Variants in NEGR1 observed in about 807,000 individuals in gnomAD.
The protein encoded by NEGR1 is IgLON family member 4.
Under a neutral mutation model 40.9 loss-of-function variants are expected in NEGR1, and 10 were observed. The ratio of observed to expected loss-of-function variants is 0.24; its 90% CI spans 0.15 to 0.42. NEGR1 has a LOEUF of 0.42. Ranked by LOEUF, NEGR1 falls within the 10% of genes least tolerant of loss-of-function variation. The pLI is 1.00. For missense variants in NEGR1, 352 were observed against 438.9 expected, an observed-to-expected ratio of 0.80 and a Z score of 1.77; for synonymous variants, 185 against 166.8, an observed-to-expected ratio of 1.11 and a Z score of -0.84.
rs10604833 is a variant in NEGR1, at chr1:71,988,923, TAAAAAAAAA to T, written c.177-53621_177-53613del. ...CAATGAGCTCTATCATATTGGATGT[TAAAAAAAAA>T]AAAAAAAAAAAAAAAAGGCTTTCTA... is the stretch of plus-strand genomic sequence containing the variant. On this transcript the variant is annotated intron_variant, in intron 1 of 6. Coordinates refer to ENST00000357731, the MANE Select transcript of NEGR1 (RefSeq NM_173808.3). Among the ~76,000 whole-genome samples the T allele has an allele frequency of 4.3e-3, 354 of 82,242 alleles. 7 individuals carry two copies. The highest frequency in any genetic ancestry group is 0.018 in the African/African-American group (313 of 17,448). 54.0% of individuals were successfully genotyped at this position (82,242 alleles called of 152,430 possible). A position where few individuals can be genotyped will look rare whatever the true frequency, so the allele number is the denominator to read the frequency against.
intron 1 of NEGR1, among the ~76,000 whole-genome samples, chr1:72,087,550 A>G (rs1475764981): frequency 1.3e-5 from 2 of 151,880 alleles, no homozygotes; most frequent in Non-Finnish European, 2.9e-5. Flanking sequence ...CATCAGAACT[A>G]CAGTGATAGA....
At position 71,809,071 on chromosome 1, in the gene NEGR1, T is replaced by C. The variant is rs1657886773; in HGVS notation, c.410-32774A>G. 2.6e-5 allele frequency among the ~76,000 whole-genome samples: 4 copies of C among 152,296 alleles called. No homozygotes were observed. In the South Asian group the frequency reaches 6.2e-4, roughly 24 times the overall value. ...TTACCTATTGCTTATTAAACATACA[T>C]ATCTCCATGTGTGAAAAGCAGCACG... On this transcript the variant is annotated intron_variant, in intron 2 of 6. Transcript: ENST00000357731.
intron 1 of NEGR1, among the ~76,000 whole-genome samples, chr1:72,256,694 T>G (rs954111198): frequency 6.6e-6 from 1 of 152,198 alleles, no homozygotes; most frequent in Non-Finnish European, 1.5e-5. Context: ...ACAAAAATGT[T>G]AGTGCTATTT....
At chr1:71,569,965 A>G (rs979463405) in intron 6 of NEGR1, among the ~76,000 whole-genome samples, 2 of 136,906 alleles carry the variant, frequency 1.5e-5, no homozygotes, top group Non-Finnish European at 3.2e-5. Context: ...TCACTGAATT[A>G]CACAAAACAA....
At chr1:71,982,059 A>T (rs1646359055) in intron 1 of NEGR1, among the ~76,000 whole-genome samples, 1 of 152,160 alleles carries the variant, frequency 6.6e-6, no homozygotes, top group Non-Finnish European at 1.5e-5. Flanking sequence ...GTAATTTGTG[A>T]CATTGTTACT....
intron 1 of NEGR1, among the ~76,000 whole-genome samples, chr1:72,278,920 TAAGA>T (rs753356418): frequency 4.6e-5 from 7 of 152,060 alleles, no homozygotes; most frequent in Non-Finnish European, 1.0e-4. Context: ...ATACAAAGCT[TAAGA>T]AAGGGAAATA....
chr1:71,726,359 C>A (rs1243108966), intron 3 of NEGR1, among the ~76,000 whole-genome samples: 1 of 152,082 alleles, frequency 6.6e-6, no homozygotes, highest in Non-Finnish European at 1.5e-5. Context: ...CAGGGTGCCA[C>A]ATGATAACTG....
Position 71,628,942 on chromosome 1 carries a change from G to A in NEGR1, c.668-17796C>T, listed in dbSNP as rs564481316. Reference sequence around the variant, plus strand: ...TGGGTATACACCTAGCAATTGGATCGCTGGGTGAAATGGTATTTCTAGTTC... The same window carrying A: ...TGGGTATACACCTAGCAATTGGATCACTGGGTGAAATGGTATTTCTAGTTC... On this transcript the variant is annotated intron_variant, in intron 4 of 6. Transcript: ENST00000357731. Among the ~76,000 whole-genome samples, 9 of 152,138 alleles carry A rather than the reference G, an allele frequency of 5.9e-5. No homozygotes were observed. In the South Asian group the frequency reaches 8.3e-4, roughly 14 times the overall value.
At chr1:72,144,135 T>C (rs1011668039) in intron 1 of NEGR1, among the ~76,000 whole-genome samples, 1 of 151,018 alleles carries the variant, frequency 6.6e-6, no homozygotes, top group Admixed American at 6.7e-5. Flanking sequence ...AAAACAAGTA[T>C]ATCACCAATT....
Position 71,714,467 on chromosome 1 carries a change from A to T in NEGR1, c.536-16328T>A, listed in dbSNP as rs1654209028. Among the ~76,000 whole-genome samples the T allele has an allele frequency of 1.3e-5, 2 of 152,220 alleles. 1 individual carries two copies. Among genetic ancestry groups the T allele is most frequent in the South Asian group, 4.1e-4 (2 of 4,830 alleles). ...TTCCAGTATTAACACAAAAGTCTGA[A>T]TCCAAAGTCTCATCTGTGACAAGGC... On this transcript the variant is annotated intron_variant, in intron 3 of 6. Coordinates refer to ENST00000357731, the MANE Select transcript of NEGR1 (RefSeq NM_173808.3).
intron 1 of NEGR1, among the ~76,000 whole-genome samples, chr1:72,227,201 C>T (rs111344397): frequency 1.3e-3 from 196 of 152,082 alleles, no homozygotes; most frequent in African/African-American, 4.3e-3. Flanking sequence ...TGATAAAAAT[C>T]TACCTCATGG....
Position 72,207,722 on chromosome 1 carries a change from T to C in NEGR1, c.176+74597A>G, listed in dbSNP as rs185103962. ...GGATTTAATGTATCATCGTGCTCAG[T>C]ATCTGGCTATGGTCATTTTTAGATA... is the stretch of plus-strand genomic sequence containing the variant. On this transcript the variant is annotated intron_variant, in intron 1 of 6. Coordinates refer to ENST00000357731, the MANE Select transcript of NEGR1 (RefSeq NM_173808.3). Among the ~76,000 whole-genome samples the C allele has an allele frequency of 2.6e-4, 39 of 151,878 alleles. No individual in the cohort carries two copies. The East Asian group carries it at 7.4e-3, about 29-fold the overall frequency.
chr1:71,956,811 ACT>A (rs2100286855), intron 1 of NEGR1, among the ~76,000 whole-genome samples: 1 of 152,214 alleles, frequency 6.6e-6, no homozygotes, highest in African/African-American at 2.4e-5. Context: ...GAAGACCTGT[ACT>A]CTAATTGTTA....
intron 6 of NEGR1, 51 bp from the exon 7 acceptor site, chr1:71,407,621 GA>G (rs771072393): frequency 1.3e-4 from 209 of 1,588,310 alleles, no homozygotes; most frequent in Non-Finnish European, 1.7e-4. Flanking sequence ...TGTCTTCCAG[GA>G]TCTTGACAAT....
At chr1:71,415,726 TTACTC>T (rs1453692557) in intron 6 of NEGR1, among the ~76,000 whole-genome samples, 2 of 152,152 alleles carry the variant, frequency 1.3e-5, no homozygotes, top group Non-Finnish European at 2.9e-5. Context: ...ATTTTTTTGT[TTACTC>T]TATTTTAGAA....
At chr1:71,421,962 G>T (rs548394999) in intron 6 of NEGR1, among the ~76,000 whole-genome samples, 70 of 150,600 alleles carry the variant, frequency 4.6e-4, no homozygotes, top group African/African-American at 1.7e-3. Context: ...GATATAATAA[G>T]CACTGTGAAT....
chr1:71,833,488 G>A (rs533713334), intron 2 of NEGR1, among the ~76,000 whole-genome samples: 5 of 152,092 alleles, frequency 3.3e-5, no homozygotes, highest in South Asian at 4.1e-4. Context: ...GAATCTTTCT[G>A]GGGGGAAAAA....
chr1:72,010,260 C>G (rs1646644625), intron 1 of NEGR1, among the ~76,000 whole-genome samples: 1 of 151,960 alleles, frequency 6.6e-6, no homozygotes, highest in Non-Finnish European at 1.5e-5. Context: ...TGCCACATCT[C>G]ATGACTGTGA....
At chr1:72,126,744 A>G (rs1461925635) in intron 1 of NEGR1, among the ~76,000 whole-genome samples, 1 of 152,160 alleles carries the variant, frequency 6.6e-6, no homozygotes, top group Non-Finnish European at 1.5e-5. Flanking sequence ...AGACACAGAG[A>G]ACTTTATTAT....
Sources: allele counts gnomAD v4.1 joint callset (sites outside exome capture counted in the v4.1 genomes callset), GRCh38; gene constraint gnomAD v4.1.1; transcripts MANE v1.5; gene names NCBI Gene and HGNC (gene_info 2026-07-23, HGNC 2026-07-21).